KIF21A: variants seen among roughly 807,000 people sequenced by gnomAD.
The protein encoded by KIF21A is kinesin family member 21A.
KIF21A carries 114 observed loss-of-function variants against 202.9 expected under a neutral mutation model. That is an observed-to-expected ratio of 0.56 (90% CI 0.48 to 0.66). The LOEUF is 0.66. Among genes scored for constraint, KIF21A ranks in the 30% least tolerant of loss-of-function variants. The pLI is 0.00. For synonymous variants in KIF21A, 667 were observed against 670.8 expected (o/e 0.99, Z 0.09); for missense variants, 1,677 against 1,994.9 (o/e 0.84, Z 3.04).
intron 1 of KIF21A, among the ~76,000 whole-genome samples, chr12:39,416,633 A>ATATATATATGTACATATATATGTG (rs1953641195): frequency 1.1e-5 from 1 of 92,260 alleles, no homozygotes; most frequent in African/African-American, 4.7e-5. Flanking sequence ...ATATATGTGT[A>ATATATATATGTACATATATATGTG]TATATATATA....
chr12:39,370,053 A>G lies in KIF21A; in HGVS notation c.253T>C (p.Phe85Leu), dbSNP rs1949850637. 1 of 1,613,128 alleles carries G rather than the reference A, an allele frequency of 6.2e-7. No individual in the cohort carries two copies. Among genetic ancestry groups the G allele is most frequent in the Admixed American group, 1.7e-5 (1 of 59,950 alleles). Residue 85 changes from phenylalanine to leucine, a missense_variant, in exon 2 of 38, where the codon TTT becomes CTT. By Grantham distance (22) the Phe-to-Leu change is conservative. Transcript: ENST00000361418. Reference sequence around the variant, plus strand: ...ATGGCACTTACTTGTCCATAAGCAAAAACTGTAGCATTGTATCCTTCAAAG... The same window carrying G: ...ATGGCACTTACTTGTCCATAAGCAAGAACTGTAGCATTGTATCCTTCAAAG... ...GCFEGYNATV[F>L]AYGQTGAGKT...
chr12:39,362,164 G>A (rs2138995612), intron 7 of KIF21A, among the ~76,000 whole-genome samples: 1 of 152,268 alleles, frequency 6.6e-6, no homozygotes, highest in East Asian at 1.9e-4. Flanking sequence ...AAGCCAAGCA[G>A]CTGCCAGAAT....
intron 32 of KIF21A, 76 bp from the exon 33 acceptor site, chr12:39,309,842 T>G: frequency 8.3e-7 from 1 of 1,211,382 alleles, no homozygotes; most frequent in Admixed American, 2.1e-5. Context: ...TAAAAATTAT[T>G]TAAATAATTT....
chr12:39,347,726 T>C (rs932370310), intron 11 of KIF21A, among the ~76,000 whole-genome samples: 7 of 152,012 alleles, frequency 4.6e-5, no homozygotes, highest in African/African-American at 1.7e-4. Context: ...GTATAGTGAT[T>C]AGAAAAAGCA....
chr12:39,326,751 A>G (rs1382976663), intron 24 of KIF21A, among the ~76,000 whole-genome samples: 1 of 152,236 alleles, frequency 6.6e-6, no homozygotes, highest in Non-Finnish European at 1.5e-5. Flanking sequence ...TATAGTTGTT[A>G]TACTTTATCA....
chr12:39,310,624 T>C (rs372702774), intron 32 of KIF21A, among the ~76,000 whole-genome samples: 1 of 152,064 alleles, frequency 6.6e-6, no homozygotes, highest in South Asian at 2.1e-4. Flanking sequence ...TTCATGTCTC[T>C]GCTTATGTTA....
chr12:39,373,398 G>A (rs1191694916), intron 1 of KIF21A, among the ~76,000 whole-genome samples: 2 of 151,992 alleles, frequency 1.3e-5, no homozygotes, highest in African/African-American at 4.8e-5. Context: ...TGTTTTGGGA[G>A]CTCACACAAA....
At position 39,333,057 on chromosome 12, in the gene KIF21A, C is replaced by T; in HGVS notation, c.2538G>A (p.Gly846=). ...QVRPMSDKVA[G]KVTRKLSSSD... is the part of the protein sequence containing the mutation. ...ATGAACTCAGCTTCCGAGTAACTTT[C>T]CCAGCCACTTTATCTGACATGGGTC... The change falls in exon 19 of 38, where the codon GGG becomes GGA. Residue 846 remains glycine, a synonymous_variant. Transcript: ENST00000361418. The T allele has an allele frequency of 1.9e-6, 3 of 1,614,012 alleles. No individual in the cohort carries two copies. The highest frequency in any genetic ancestry group is 2.2e-5 in the South Asian group (2 of 91,084).
chr12:39,308,022 G>A (rs529122842), intron 33 of KIF21A, among the ~76,000 whole-genome samples: 1 of 152,004 alleles, frequency 6.6e-6, no homozygotes, highest in South Asian at 2.1e-4. Flanking sequence ...GTTAGGAAGG[G>A]CTAAAACATC....
chr12:39,314,100 A>G (rs921634741), intron 31 of KIF21A, among the ~76,000 whole-genome samples: 1 of 151,806 alleles, frequency 6.6e-6, no homozygotes, highest in African/African-American at 2.4e-5. Context: ...TAACGAATGG[A>G]AATTTAAAGG....
At chr12:39,410,067 G>A (rs960969010) in intron 1 of KIF21A, among the ~76,000 whole-genome samples, 1 of 152,090 alleles carries the variant, frequency 6.6e-6, no homozygotes, top group Non-Finnish European at 1.5e-5. Flanking sequence ...CTGACCTCAG[G>A]TGATCTGCCC....
chr12:39,345,002 A>C (rs1441486981), intron 12 of KIF21A, among the ~76,000 whole-genome samples: 1 of 152,180 alleles, frequency 6.6e-6, no homozygotes, highest in East Asian at 1.9e-4. Flanking sequence ...CAGCTCACAG[A>C]CTGGAAGCAT....
rs776209935 is a variant in KIF21A at position 39,367,938 on chromosome 12, G to A, written c.545C>T (p.Thr182Ile). The change falls in exon 4 of 38, where the codon ACT (threonine) becomes ATT (isoleucine). Residue 182 changes from threonine (T) to isoleucine (I), a missense_variant. Physicochemically the swap from Thr to Ile is moderately conservative, Grantham distance 89. Coordinates refer to ENST00000361418, the MANE Select transcript of KIF21A (RefSeq NM_001173464.2). ...AACGCCCACAGTATAAATTCCTCCA[G>A]TTGAATCTTCATGAATTCTTATATT... ...KSNIRIHEDS[T>I]GGIYTVGVTT... 3.7e-6 allele frequency: 6 copies of A among 1,608,388 alleles called. No individual in the cohort carries two copies. The highest frequency in any genetic ancestry group is 5.1e-6 in the Non-Finnish European group (6 of 1,175,184).
chr12:39,420,435 AAG>A (rs1453005605), intron 1 of KIF21A, among the ~76,000 whole-genome samples: 2 of 152,148 alleles, frequency 1.3e-5, no homozygotes, highest in African/African-American at 4.8e-5. Flanking sequence ...ATGAAAGCAA[AAG>A]AGAACTATAA....
intron 16 of KIF21A, among the ~76,000 whole-genome samples, chr12:39,337,976 G>A (rs1442987176): frequency 6.6e-6 from 1 of 152,080 alleles, no homozygotes; most frequent in Non-Finnish European, 1.5e-5. Context: ...ATTGGTTTAT[G>A]TATTTACTAT....
intron 1 of KIF21A, among the ~76,000 whole-genome samples, chr12:39,418,001 A>G (rs570571816): frequency 6.5e-4 from 99 of 152,178 alleles, no homozygotes; most frequent in Admixed American, 9.8e-4. Flanking sequence ...TGGGCTCAGG[A>G]GTTGGAGATC....
chr12:39,298,904 A>T (rs1201232643), intron 37 of KIF21A, among the ~76,000 whole-genome samples: 1 of 152,170 alleles, frequency 6.6e-6, no homozygotes, highest in African/African-American at 2.4e-5. Flanking sequence ...ATAATACTTA[A>T]CTTCTAGAGT....
chr12:39,323,338 A>AAAG (rs140018069), intron 26 of KIF21A, among the ~76,000 whole-genome samples: 16,745 of 151,958 alleles, frequency 0.11, 918 homozygotes, highest in East Asian at 0.14. Context: ...AAGAAAAGAA[A>AAAG]AAGAAGAAGA....
intron 1 of KIF21A, among the ~76,000 whole-genome samples, chr12:39,391,789 G>A (rs1656147154): frequency 6.6e-6 from 1 of 152,020 alleles, no homozygotes; most frequent in Non-Finnish European, 1.5e-5. Flanking sequence ...ACCCAGGCTG[G>A]AGTGCAGTGG....
Sources: gnomAD v4.1 joint callset for allele counts (sites outside exome capture counted in the v4.1 genomes callset) on GRCh38, gnomAD v4.1.1 for gene constraint, MANE v1.5 for transcripts, NCBI Gene and HGNC (gene_info 2026-07-23, HGNC 2026-07-21) for gene names.